NEK7: variants seen among roughly 807,000 people sequenced by gnomAD.
NEK7 encodes serine/threonine-protein kinase Nek7.
A neutral mutation model predicts 44.6 loss-of-function variants in NEK7; 18 were observed. That is an observed-to-expected ratio of 0.40 (90% CI 0.28 to 0.60). The LOEUF is 0.60. Ranked by LOEUF, NEK7 falls within the 20% of genes least tolerant of loss-of-function variation. The pLI, the probability that NEK7 is intolerant of heterozygous loss-of-function variation, is 0.38. For missense variants in NEK7, 256 were observed against 366.5 expected (o/e 0.70, Z 2.46); for synonymous variants, 130 against 121.1 (o/e 1.07, Z -0.48).
chr1:198,170,839 A>G (rs1249805993), intron 1 of NEK7, among the ~76,000 whole-genome samples: 2 of 152,132 alleles, frequency 1.3e-5, no homozygotes, highest in Non-Finnish European at 2.9e-5. Context: ...TGATCTCTTT[A>G]TTTGGTTTGT....
chr1:198,205,526 A>G (rs1003105727), intron 1 of NEK7, among the ~76,000 whole-genome samples: 8 of 152,214 alleles, frequency 5.3e-5, no homozygotes, highest in African/African-American at 1.9e-4. Flanking sequence ...GGTGTGAACT[A>G]CTTGTTCATA....
chr1:198,285,871 C>T lies in NEK7; in HGVS notation c.589+6810C>T, dbSNP rs543013662. The stretch of plus-strand genomic sequence containing the variant: ...TGTGACATATTTGTAGCTATTGCAA[C>T]CAAAGGGTAATTAACTCTCTTAATG... On this transcript the variant is annotated intron_variant, in intron 7 of 9. Coordinates refer to ENST00000367385, the MANE Select transcript of NEK7 (RefSeq NM_133494.3). Among the ~76,000 whole-genome samples, 59 of 151,950 alleles carry T rather than the reference C, an allele frequency of 3.9e-4. 1 individual carries two copies. In the South Asian group the frequency reaches 0.012, roughly 30 times the overall value.
intron 9 of NEK7, among the ~76,000 whole-genome samples, chr1:198,301,917 G>A (rs1433296670): frequency 2.0e-5 from 3 of 152,108 alleles, no homozygotes; most frequent in African/African-American, 4.8e-5. Flanking sequence ...GACTATTGAA[G>A]GATACAATAT....
intron 8 of NEK7, among the ~76,000 whole-genome samples, chr1:198,295,734 A>G (rs1365352435): frequency 1.3e-5 from 2 of 151,564 alleles, no homozygotes; most frequent in Non-Finnish European, 2.9e-5. Context: ...ACACGGAGAG[A>G]CTATAGTTTA....
At chr1:198,304,297 A>G (rs759367594) in intron 9 of NEK7, among the ~76,000 whole-genome samples, 2 of 152,210 alleles carry the variant, frequency 1.3e-5, no homozygotes, top group African/African-American at 4.8e-5. Context: ...GTGTAAGATT[A>G]CTTTCTTTTC....
At chr1:198,208,604 A>G (rs1184443953) in intron 1 of NEK7, 1 of 152,130 alleles carries the variant, frequency 6.6e-6, no homozygotes, top group Admixed American at 6.5e-5. Context: ...TAATGCATTT[A>G]TTAATTAGCT....
In NEK7 at chr1:198,252,420, T is replaced by C. The variant is rs188296334; in HGVS notation, c.58-620T>C. On this transcript the variant is annotated intron_variant, in intron 2 of 9. Coordinates refer to ENST00000367385, the MANE Select transcript of NEK7 (RefSeq NM_133494.3). ...TTGGTGCAGAGCTGAGTTCAATTCC[T>C]GGGTATCCTTTGCAAGGAGTTCTTA... Among the ~76,000 whole-genome samples the C allele has an allele frequency of 2.0e-5, 3 of 151,256 alleles. No homozygotes were observed. In the East Asian group the frequency reaches 5.9e-4, roughly 30 times the overall value.
chr1:198,193,602 T>G (rs1665141083), intron 1 of NEK7, among the ~76,000 whole-genome samples: 3 of 152,184 alleles, frequency 2.0e-5, no homozygotes, highest in Non-Finnish European at 4.4e-5. Flanking sequence ...ATCAAAAAGC[T>G]TATCCACCAT....
At chr1:198,222,939 T>G (rs2102848942) in intron 1 of NEK7, among the ~76,000 whole-genome samples, 1 of 152,210 alleles carries the variant, frequency 6.6e-6, no homozygotes, top group South Asian at 2.1e-4. Context: ...GTAGAGCTGA[T>G]TTTGAACCAG....
intron 1 of NEK7, among the ~76,000 whole-genome samples, chr1:198,167,389 G>C (rs1029023439): frequency 1.3e-5 from 2 of 152,050 alleles, no homozygotes; most frequent in Admixed American, 1.3e-4. Context: ...AAGATTGTGC[G>C]GAGGTTGTGT....
chr1:198,239,206 G>C (rs1043104766), intron 2 of NEK7, among the ~76,000 whole-genome samples: 1 of 151,842 alleles, frequency 6.6e-6, no homozygotes, highest in Non-Finnish European at 1.5e-5. Flanking sequence ...TATATTCCTC[G>C]CCTTATTTCT....
At chr1:198,184,284 T>G (rs1055749437) in intron 1 of NEK7, among the ~76,000 whole-genome samples, 2 of 152,186 alleles carry the variant, frequency 1.3e-5, no homozygotes, top group African/African-American at 4.8e-5. Flanking sequence ...GACACAAGAA[T>G]CCTTTATAAC....
At chr1:198,313,771 C>G (rs185464009) in intron 9 of NEK7, among the ~76,000 whole-genome samples, 1 of 142,270 alleles carries the variant, frequency 7.0e-6, no homozygotes, top group Non-Finnish European at 1.5e-5. Context: ...ATTGGCCCCA[C>G]TCTCTTCTGG....
At chr1:198,243,346 C>A (rs1666742407) in intron 2 of NEK7, among the ~76,000 whole-genome samples, 1 of 152,082 alleles carries the variant, frequency 6.6e-6, no homozygotes. Context: ...GCTATATCCT[C>A]CCCCAGTAAT....
chr1:198,317,877 A>ATTTTTGTTTTTTTTTTTTTTTTTTT lies in NEK7; in HGVS notation c.799-1530_799-1529insGTTTTTTTTTTTTTTTTTTTTTTTT, dbSNP rs537862004. Among the ~76,000 whole-genome samples the ATTTTTGTTTTTTTTTTTTTTTTTTT allele has an allele frequency of 2.8e-5, 2 of 70,268 alleles. 1 individual carries two copies. The highest frequency in any genetic ancestry group is 4.9e-5 in the Non-Finnish European group (2 of 40,826). The allele number at this position is 70,268 out of a possible 152,430, so 46.1% of individuals were successfully genotyped here. A position where few individuals can be genotyped will look rare whatever the true frequency, so the allele number is the denominator to read the frequency against. On this transcript the variant is annotated intron_variant, in intron 9 of 9. Transcript: ENST00000367385. ...GCATTGTGTATTACTGGATATATTT[A>ATTTTTGTTTTTTTTTTTTTTTTTTT]TTTTTTTTTTTTTTTTTTTTTTTGG...
chr1:198,302,311 A>G (rs921380791), intron 9 of NEK7, among the ~76,000 whole-genome samples: 4 of 150,522 alleles, frequency 2.7e-5, no homozygotes, highest in Admixed American at 2.0e-4. Flanking sequence ...TCTCCTTTCT[A>G]TTATTTTTGA....
intron 2 of NEK7, among the ~76,000 whole-genome samples, chr1:198,233,316 A>G (rs1380661321): frequency 6.6e-6 from 1 of 152,190 alleles, no homozygotes; most frequent in Non-Finnish European, 1.5e-5. Flanking sequence ...TAAAAAATGT[A>G]CACATATTCA....
intron 9 of NEK7, among the ~76,000 whole-genome samples, chr1:198,317,832 T>C (rs1258016808): frequency 4.0e-5 from 6 of 151,678 alleles, no homozygotes; most frequent in African/African-American, 1.5e-4. Flanking sequence ...ATTATGTAAG[T>C]GCTTTTCCCA....
intron 1 of NEK7, among the ~76,000 whole-genome samples, chr1:198,211,503 A>G (rs543287928): frequency 1.3e-5 from 2 of 152,308 alleles, no homozygotes; most frequent in African/African-American, 4.8e-5. Flanking sequence ...ACATGTGCTT[A>G]CTTTTCATTA....
Sources: gnomAD v4.1 joint callset for allele counts (sites outside exome capture counted in the v4.1 genomes callset) on GRCh38, gnomAD v4.1.1 for gene constraint, MANE v1.5 for transcripts, NCBI Gene and HGNC (gene_info 2026-07-23, HGNC 2026-07-21) for gene names.